Variants in AP5Z1 observed in about 807,000 individuals in gnomAD.
AP5Z1 encodes AP-5 complex subunit zeta-1.
In AP5Z1, 106 loss-of-function variants were observed where a neutral mutation model predicts 83.0. The ratio of observed to expected loss-of-function variants is 1.28; its 90% CI spans 1.09 to 1.50. The LOEUF is 1.50. Among genes scored for constraint, AP5Z1 ranks in the 40% most tolerant of loss-of-function variants. The pLI is 0.00. For missense variants in AP5Z1, 1,565 were observed against 1,094.2 expected, an observed-to-expected ratio of 1.43 and a Z score of -6.07; for synonymous variants, 751 against 514.1, an observed-to-expected ratio of 1.46 and a Z score of -6.23.
At chr7:4,786,825 C>T (rs1024069134) in intron 10 of AP5Z1, among the ~76,000 whole-genome samples, 5 of 151,866 alleles carry the variant, frequency 3.3e-5, no homozygotes, top group African/African-American at 1.2e-4. Flanking sequence ...GGCTGGAGTG[C>T]AGTGGCGCAA....
rs1192071046 is a variant in AP5Z1 at position 4,784,388 on chromosome 7, G to C, written c.790+17G>C. The stretch of plus-strand genomic sequence containing the variant: ...TGGACACAGGTGTGCGGGGTGGGGG[G>C]ATGACGTCAGACAGGGGTGGGAGGT... On this transcript the variant is annotated intron_variant, in intron 6 of 16. Coordinates refer to ENST00000649063, the MANE Select transcript of AP5Z1 (RefSeq NM_014855.3). The C allele has an allele frequency of 9.0e-7, 1 of 1,114,692 alleles. No individual in the cohort carries two copies. 69.1% of individuals were successfully genotyped at this position (1,114,692 alleles called of 1,614,324 possible). A position where few individuals can be genotyped will look rare whatever the true frequency, so the allele number is the denominator to read the frequency against.
Position 4,784,232 on chromosome 7 carries a change from G to T in AP5Z1, c.651G>T (p.Ala217=). Residue 217 remains alanine, a synonymous_variant, in exon 6 of 17, where the codon GCG becomes GCT. Transcript: ENST00000649063. The stretch of plus-strand genomic sequence containing the variant: ...GCCCCGTCACCGAGGTGGACGGGGC[G>T]GTAGCCACAGACTTCTTCACGGTGC... ...QPGPVTEVDG[A]VATDFFTVLS... The T allele has an allele frequency of 1.3e-6, 2 of 1,590,494 alleles. No individual in the cohort carries two copies. Among genetic ancestry groups the T allele is most frequent in the African/African-American group, 1.3e-5 (1 of 74,578 alleles).
intron 4 of AP5Z1, 50 bp downstream of exon 4, chr7:4,783,510 C>T (rs1202302405): frequency 2.5e-6 from 4 of 1,595,962 alleles, no homozygotes; most frequent in Non-Finnish European, 2.6e-6. Flanking sequence ...CTTCCCAGGT[C>T]CTTCCCTGAG....
chr7:4,788,267 G>A lies in AP5Z1; in HGVS notation c.1568G>A (p.Arg523His), dbSNP rs370116509. 48 of 1,591,012 alleles carry A rather than the reference G, an allele frequency of 3.0e-5. No individual in the cohort carries two copies. The highest frequency in any genetic ancestry group is 2.1e-4 in the Middle Eastern group (1 of 4,820). Residue 523 changes from arginine (R) to histidine (H), a missense_variant, in exon 12 of 17, where the codon CGC (arginine) becomes CAC (histidine). Physicochemically the swap from Arg to His is conservative, Grantham distance 29. Coordinates refer to ENST00000649063, the MANE Select transcript of AP5Z1 (RefSeq NM_014855.3). ...CAGGGTCTTTTCCAATACCTGCTGC[G>A]CCCCAAGGCCAGTGGCGCCACTGAG... The part of the protein sequence containing the change: ...QFQGLFQYLL[R>H]PKASGATERL...
chr7:4,791,484 C>CTGGGAGAGGAGGCAAGGCCCACGG lies in AP5Z1; in HGVS notation c.*104_*127dup. On this transcript the variant is annotated 3_prime_UTR_variant, in exon 17 of 17. Transcript: ENST00000649063. Reference sequence around the variant, plus strand: ...AGGAGCTCAGGAGGGCGCGGGAGTCCTGGGAGAGGAGGCAAGGCCCACGGT... The same window carrying CTGGGAGAGGAGGCAAGGCCCACGG: ...AGGAGCTCAGGAGGGCGCGGGAGTCCTGGGAGAGGAGGCAAGGCCCACGGTGGGAGAGGAGGCAAGGCCCACGGT... The CTGGGAGAGGAGGCAAGGCCCACGG allele has an allele frequency of 6.8e-7, 1 of 1,461,018 alleles. No individual in the cohort carries two copies. The highest frequency in any genetic ancestry group is 2.5e-4 in the Middle Eastern group (1 of 3,974). The allele number at this position is 1,461,018 out of a possible 1,614,324, so 90.5% of individuals were successfully genotyped here. A position where few individuals can be genotyped will look rare whatever the true frequency, so the allele number is the denominator to read the frequency against.
At chr7:4,783,548 G>C (rs1781444527) in intron 4 of AP5Z1, 88 bp downstream of exon 4, 1 of 1,559,446 alleles carries the variant, frequency 6.4e-7, no homozygotes, top group Non-Finnish European at 8.7e-7. Context: ...GAGTGTGGGG[G>C]GCAGGTGGGG....
At position 4,786,395 on chromosome 7, in the gene AP5Z1, C is replaced by T; in HGVS notation, c.1278C>T (p.Ser426=). ...DNLHLFSGHL[S]TLRLSFPNLF... ...TCCACCTGTTCAGCGGGCACCTCAG[C>T]ACCCTCAGATTGAGCTTCCCCAACC... The change falls in exon 10 of 17, where the codon AGC becomes AGT. Residue 426 remains serine, a synonymous_variant. Transcript: ENST00000649063. 6.2e-7 allele frequency: 1 copy of T among 1,613,938 alleles called. No homozygotes were observed. Among genetic ancestry groups the T allele is most frequent in the Non-Finnish European group, 8.5e-7 (1 of 1,179,866 alleles).
Position 4,785,817 on chromosome 7 carries a change from G to C in AP5Z1, c.1132+133G>C. 2.4e-6 allele frequency: 3 copies of C among 1,267,642 alleles called. No homozygotes were observed. The South Asian group carries it at 5.8e-5, about 25-fold the overall frequency. The allele number at this position is 1,267,642 out of a possible 1,614,324, so 78.5% of individuals were successfully genotyped here. On this transcript the variant is annotated intron_variant, in intron 9 of 16. Coordinates refer to ENST00000649063, the MANE Select transcript of AP5Z1 (RefSeq NM_014855.3). ...GACAGGGGTCTTGCTGTGTTGCCCA[G>C]GCTGGTCTGGAACTCGTGGCCTCAA...
At chr7:4,789,726 T>C in intron 13 of AP5Z1, 106 bp from the exon 14 acceptor site, 1 of 752,500 alleles carries the variant, frequency 1.3e-6, no homozygotes, top group South Asian at 1.9e-5. Context: ...GGACGAGGAG[T>C]CTCCAGCCCC....
chr7:4,778,829 A>G (rs1407749656), intron 1 of AP5Z1, among the ~76,000 whole-genome samples: 1 of 145,512 alleles, frequency 6.9e-6, no homozygotes, highest in East Asian at 2.0e-4. Context: ...TATATTATAT[A>G]TCATTATATA....
chr7:4,793,231 A>G lies in AP5Z1; in HGVS notation c.*1846A>G, dbSNP rs1164979830. 2 of 152,312 alleles carry G rather than the reference A, an allele frequency of 1.3e-5. No homozygotes were observed. Among genetic ancestry groups the G allele is most frequent in the African/African-American group, 4.8e-5 (2 of 41,480 alleles). The allele number at this position is 152,312 out of a possible 1,614,324, so 9.4% of individuals were successfully genotyped here. The stretch of plus-strand genomic sequence containing the variant: ...GTGGCCTCCAGGAGGCAGCTGGGAA[A>G]AGGGCAAAGCTCACCAGCTCTCAAC... On this transcript the variant is annotated 3_prime_UTR_variant, in exon 17 of 17. Transcript: ENST00000649063.
chr7:4,777,667 G>C (rs918637390), intron 1 of AP5Z1, among the ~76,000 whole-genome samples: 4 of 152,164 alleles, frequency 2.6e-5, no homozygotes, highest in African/African-American at 9.7e-5. Flanking sequence ...GGGATTACAG[G>C]TGTGAGCCAC....
chr7:4,783,905 C>T (rs1781456338), intron 5 of AP5Z1, 107 bp downstream of exon 5: 1 of 1,194,354 alleles, frequency 8.4e-7, no homozygotes, highest in Non-Finnish European at 1.2e-6. Context: ...TCCGCGGGGT[C>T]CAGGACGAGC....
At chr7:4,780,560 C>T (rs1191079287) in intron 1 of AP5Z1, among the ~76,000 whole-genome samples, 1 of 152,006 alleles carries the variant, frequency 6.6e-6, no homozygotes, top group Middle Eastern at 3.4e-3. Flanking sequence ...GTCAGGAGAT[C>T]AAGACCATCC....
In AP5Z1 at chr7:4,779,071, T is replaced by C. The variant is rs1162615726; in HGVS notation, c.42-2104T>C. On this transcript the variant is annotated intron_variant, in intron 1 of 16. Transcript: ENST00000649063. ...AGATAGATAGATAGATATAAAAATATATTTTTATATGTAATATATATAAAA... is the reference window on the plus strand; with the variant it reads ...AGATAGATAGATAGATATAAAAATACATTTTTATATGTAATATATATAAAA... 3.5e-5 allele frequency among the ~76,000 whole-genome samples: 5 copies of C among 140,936 alleles called. No homozygotes were observed. In the East Asian group the frequency reaches 1.0e-3, roughly 29 times the overall value. 92.5% of individuals were successfully genotyped at this position (140,936 alleles called of 152,430 possible). A position where few individuals can be genotyped will look rare whatever the true frequency, so the allele number is the denominator to read the frequency against.
chr7:4,776,856 G>A (rs574915852), intron 1 of AP5Z1, among the ~76,000 whole-genome samples: 1 of 152,336 alleles, frequency 6.6e-6, no homozygotes, highest in African/African-American at 2.4e-5. Context: ...AGGAGGCCGA[G>A]GGTGCAGTGA....
chr7:4,778,096 G>T (rs1365930855), intron 1 of AP5Z1, among the ~76,000 whole-genome samples: 1 of 152,120 alleles, frequency 6.6e-6, no homozygotes, highest in Non-Finnish European at 1.5e-5. Flanking sequence ...GTGGTGGCAC[G>T]TACCCATAGT....
rs1012926783 is a variant in AP5Z1 at position 4,792,087 on chromosome 7, G to C, written c.*702G>C. ...CCATTCGGAGGGAAGGCCCCAGGGA[G>C]CCACCTGAGTGGAGCTCAGAACACT... On this transcript the variant is annotated 3_prime_UTR_variant, in exon 17 of 17. Transcript: ENST00000649063. 1.3e-5 allele frequency: 2 copies of C among 152,324 alleles called. No homozygotes were observed. The highest frequency in any genetic ancestry group is 6.5e-5 in the Admixed American group (1 of 15,290). 9.4% of individuals were successfully genotyped at this position (152,324 alleles called of 1,614,324 possible). A position where few individuals can be genotyped will look rare whatever the true frequency, so the allele number is the denominator to read the frequency against.
intron 7 of AP5Z1, 138 bp downstream of exon 7, chr7:4,785,186 A>AT: frequency 7.1e-7 from 1 of 1,401,350 alleles, no homozygotes; most frequent in Non-Finnish European, 9.5e-7. Context: ...GAGCAGGGGC[A>AT]TTTTTGCTTC....
Sources: allele counts gnomAD v4.1 joint callset (sites outside exome capture counted in the v4.1 genomes callset), GRCh38; gene constraint gnomAD v4.1.1; transcripts MANE v1.5; gene names NCBI Gene and HGNC (gene_info 2026-07-23, HGNC 2026-07-21).